RAPGEF4: variants seen among roughly 807,000 people sequenced by gnomAD.
RAPGEF4 encodes the protein Rap guanine nucleotide exchange factor 4, also known as RAP guanine-nucleotide-exchange factor (GEF) 4.
Under a neutral mutation model 147.9 loss-of-function variants are expected in RAPGEF4, and 66 were observed. That is an observed-to-expected ratio of 0.45 (90% CI 0.37 to 0.55). The LOEUF (loss-of-function observed/expected upper bound fraction) is 0.55, where lower values mean the gene tolerates loss of function less well. Ranked by LOEUF, RAPGEF4 falls within the 20% of genes least tolerant of loss-of-function variation. The probability of loss-of-function intolerance (pLI) is 0.00; values close to 1 mark genes in which losing one functional copy is unlikely to be tolerated. For synonymous variants in RAPGEF4, 419 were observed against 442.7 expected (o/e 0.95, Z 0.67); for missense variants, 1,071 against 1,257.3 (o/e 0.85, Z 2.24).
chr2:172,940,015 C>G (rs1686991543), intron 6 of RAPGEF4, among the ~76,000 whole-genome samples: 1 of 152,106 alleles, frequency 6.6e-6, no homozygotes, highest in South Asian at 2.1e-4. Context: ...ATTTCACTGT[C>G]TTAATTGCTA....
intron 6 of RAPGEF4, among the ~76,000 whole-genome samples, chr2:172,959,116 C>A (rs765699507): frequency 1.3e-5 from 2 of 152,196 alleles, no homozygotes; most frequent in African/African-American, 2.4e-5. Context: ...ACTGCTATAA[C>A]AAATTACCAC....
chr2:172,750,315 G>A (rs981085342), intron 1 of RAPGEF4, among the ~76,000 whole-genome samples: 10 of 151,990 alleles, frequency 6.6e-5, no homozygotes, highest in African/African-American at 2.2e-4. Context: ...ACAATTCCAC[G>A]TGGCTGGGGA....
At chr2:172,771,348 G>A (rs1219325936) in intron 1 of RAPGEF4, among the ~76,000 whole-genome samples, 5 of 151,606 alleles carry the variant, frequency 3.3e-5, no homozygotes, top group Non-Finnish European at 5.9e-5. Context: ...CATCGCCTTG[G>A]GGGTTAGGAT....
intron 4 of RAPGEF4, among the ~76,000 whole-genome samples, chr2:172,857,213 T>G (rs1693525842): frequency 6.6e-6 from 1 of 151,132 alleles, no homozygotes. Flanking sequence ...GAGCGAGTCT[T>G]AGTACTTTGC....
At chr2:172,987,515 CA>C (rs952138182) in intron 12 of RAPGEF4, among the ~76,000 whole-genome samples, 2 of 151,310 alleles carry the variant, frequency 1.3e-5, no homozygotes, top group East Asian at 1.9e-4. Flanking sequence ...AAAAATATTC[CA>C]AAAAAAAGAA....
intron 4 of RAPGEF4, among the ~76,000 whole-genome samples, chr2:172,890,171 G>T (rs949197440): frequency 7.9e-5 from 12 of 152,246 alleles, no homozygotes; most frequent in African/African-American, 2.9e-4. Context: ...GACGCCAGAT[G>T]CCTGATTTTG....
At chr2:172,918,853 A>G (rs1161271106) in intron 5 of RAPGEF4, among the ~76,000 whole-genome samples, 1 of 152,148 alleles carries the variant, frequency 6.6e-6, no homozygotes, top group African/African-American at 2.4e-5. Flanking sequence ...GCCACCCTTC[A>G]GATCCTCTTC....
chr2:173,011,403 C>G (rs1695013693), intron 17 of RAPGEF4, among the ~76,000 whole-genome samples: 1 of 152,138 alleles, frequency 6.6e-6, no homozygotes, highest in Non-Finnish European at 1.5e-5. Flanking sequence ...GATCTCTTCT[C>G]TCTGAATCTC....
At chr2:172,875,832 G>T (rs1309715830) in intron 4 of RAPGEF4, among the ~76,000 whole-genome samples, 2 of 152,130 alleles carry the variant, frequency 1.3e-5, no homozygotes, top group African/African-American at 4.8e-5. Flanking sequence ...AAATTACCTT[G>T]GGCAGTATGG....
intron 1 of RAPGEF4, among the ~76,000 whole-genome samples, chr2:172,747,107 C>A (rs988139239): frequency 1.3e-5 from 2 of 152,190 alleles, no homozygotes; most frequent in African/African-American, 4.8e-5. Flanking sequence ...AATTTCAATT[C>A]TGTTTATACC....
rs966470568 is a variant in RAPGEF4, at chr2:172,762,113, T to TCAAA, written c.65+26082_65+26085dup. 5.3e-5 allele frequency among the ~76,000 whole-genome samples: 8 copies of TCAAA among 152,164 alleles called. No homozygotes were observed. The East Asian group carries it at 5.8e-4, about 11-fold the overall frequency. On this transcript the variant is annotated intron_variant, in intron 1 of 30. Coordinates refer to ENST00000397081, the MANE Select transcript of RAPGEF4 (RefSeq NM_007023.4). ...CTCCAGCCATGAGTGAGACTCCGTCTCAAACAAACAAACAAACAAAAAACA... is the reference window on the plus strand; with the variant it reads ...CTCCAGCCATGAGTGAGACTCCGTCTCAAACAAACAAACAAACAAACAAAAAACA...
chr2:172,980,183 A>T (rs1471695082), intron 10 of RAPGEF4, among the ~76,000 whole-genome samples: 1 of 152,210 alleles, frequency 6.6e-6, no homozygotes, highest in African/African-American at 2.4e-5. Context: ...ATCAGGGAAG[A>T]TGTGAAGAGA....
intron 29 of RAPGEF4, chr2:173,048,233 C>T: frequency 5.1e-6 from 1 of 196,676 alleles, no homozygotes; most frequent in Non-Finnish European, 1.0e-5. Context: ...GCTAACCCTT[C>T]TCCACATCTA....
intron 4 of RAPGEF4, among the ~76,000 whole-genome samples, chr2:172,844,525 G>A (rs1474479954): frequency 1.3e-5 from 2 of 152,106 alleles, no homozygotes; most frequent in East Asian, 1.9e-4. Flanking sequence ...TGAATGGGCT[G>A]TATACTCTCA....
rs1693693009 is a variant in RAPGEF4, at chr2:172,735,878, C to A, written c.-106C>A. 12 of 1,010,906 alleles carry A rather than the reference C, an allele frequency of 1.2e-5. No individual in the cohort carries two copies. The highest frequency in any genetic ancestry group is 1.4e-5 in the Non-Finnish European group (11 of 786,154). 62.6% of individuals were successfully genotyped at this position (1,010,906 alleles called of 1,614,324 possible). On this transcript the variant is annotated 5_prime_UTR_variant, in exon 1 of 31. Transcript: ENST00000397081. ...CGCAGCCGCGCTGGTCGCCAGGCGT[C>A]CGGGAGGAGCGGGGTCCGCGCGGCG...
chr2:172,966,033 G>A (rs970321718), intron 9 of RAPGEF4, among the ~76,000 whole-genome samples: 1 of 152,226 alleles, frequency 6.6e-6, no homozygotes, highest in Non-Finnish European at 1.5e-5. Flanking sequence ...AGAATGAAGA[G>A]CAGTGAAGTG....
intron 5 of RAPGEF4, among the ~76,000 whole-genome samples, chr2:172,922,033 A>G (rs908795069): frequency 4.6e-5 from 7 of 152,236 alleles, no homozygotes; most frequent in Admixed American, 1.3e-4. Context: ...AAAGTAAACC[A>G]TATGGTAGAC....
intron 6 of RAPGEF4, among the ~76,000 whole-genome samples, chr2:172,954,792 G>A (rs1452394017): frequency 6.6e-6 from 1 of 152,094 alleles, no homozygotes; most frequent in Non-Finnish European, 1.5e-5. Flanking sequence ...CTACCTCCTA[G>A]AAATGTCCTC....
intron 6 of RAPGEF4, among the ~76,000 whole-genome samples, chr2:172,952,478 G>A (rs1329927727): frequency 2.0e-5 from 3 of 152,166 alleles, no homozygotes; most frequent in African/African-American, 2.4e-5. Context: ...AGTTGTAAGG[G>A]GAGACACACC....
Sources: allele counts gnomAD v4.1 joint callset (sites outside exome capture counted in the v4.1 genomes callset), GRCh38; gene constraint gnomAD v4.1.1; transcripts MANE v1.5; gene names NCBI Gene and HGNC (gene_info 2026-07-23, HGNC 2026-07-21).